The following MYDGF variants were observed in gnomAD, a reference collection of about 807,000 sequenced individuals.
MYDGF encodes the protein myeloid-derived growth factor.
In MYDGF, 29 loss-of-function variants were observed where a neutral mutation model predicts 24.2. The ratio of observed to expected loss-of-function variants is 1.20; its 90% CI spans 0.89 to 1.63. The LOEUF (loss-of-function observed/expected upper bound fraction) is 1.63, where lower values mean the gene tolerates loss of function less well. MYDGF is among the 40% of genes most tolerant of loss of function. MYDGF has a pLI of 0.00. For synonymous variants in MYDGF, 105 were observed against 102.5 expected (o/e 1.02, Z -0.15); for missense variants, 245 against 234.8 (o/e 1.04, Z -0.29).
At chr19:4,670,038 C>A in intron 1 of MYDGF, 123 bp downstream of exon 1, 1 of 1,116,236 alleles carries the variant, frequency 9.0e-7, no homozygotes, top group Non-Finnish European at 1.2e-6. Flanking sequence ...TAACAATCCG[C>A]ACCCCTTCTT....
At chr19:4,669,304 T>C (rs2088544853) in intron 1 of MYDGF, among the ~76,000 whole-genome samples, 1 of 152,156 alleles carries the variant, frequency 6.6e-6, no homozygotes, top group African/African-American at 2.4e-5. Context: ...TGAAATCCCA[T>C]CTGTACTAAA....
At chr19:4,668,777 G>T in intron 1 of MYDGF, 132 bp from the exon 2 acceptor site, 1 of 680,176 alleles carries the variant, frequency 1.5e-6, no homozygotes, top group Non-Finnish European at 2.6e-6. Flanking sequence ...GAACTCCCAG[G>T]TTTGAGTAAT....
chr19:4,663,460 ACCC>A (rs2088490822), intron 3 of MYDGF, among the ~76,000 whole-genome samples: 1 of 51,486 alleles, frequency 1.9e-5, no homozygotes, highest in African/African-American at 7.5e-5. Context: ...CCTCCAATCT[ACCC>A]TCCCCACCCC....
At chr19:4,667,266 C>T (rs2088529251) in intron 2 of MYDGF, among the ~76,000 whole-genome samples, 1 of 151,828 alleles carries the variant, frequency 6.6e-6, no homozygotes, top group African/African-American at 2.4e-5. Flanking sequence ...GTAGCTGGGA[C>T]TACAGGTGCC....
intron 2 of MYDGF, among the ~76,000 whole-genome samples, chr19:4,667,679 G>A (rs889471988): frequency 6.6e-6 from 1 of 151,854 alleles, no homozygotes; most frequent in African/African-American, 2.4e-5. Flanking sequence ...CCAACTAAGA[G>A]CTTGAAGGAG....
At chr19:4,658,419 C>T (rs896632098) in intron 5 of MYDGF, among the ~76,000 whole-genome samples, 2 of 152,170 alleles carry the variant, frequency 1.3e-5, no homozygotes, top group African/African-American at 2.4e-5. Context: ...GAGATGATCC[C>T]GGCCTGAACA....
chr19:4,668,336 A>G (rs1477857930), intron 2 of MYDGF, among the ~76,000 whole-genome samples: 1 of 152,168 alleles, frequency 6.6e-6, no homozygotes, highest in African/African-American at 2.4e-5. Context: ...ACATCCCAAC[A>G]GATGCTCATG....
chr19:4,662,207 T>C (rs962597943), intron 3 of MYDGF, among the ~76,000 whole-genome samples: 3 of 152,222 alleles, frequency 2.0e-5, no homozygotes, highest in Non-Finnish European at 4.4e-5. Flanking sequence ...AATCACACCC[T>C]GTCCTTCAGT....
rs529085247 is a variant in MYDGF, at chr19:4,666,633, A to T, written c.226-1696T>A. On this transcript the variant is annotated intron_variant, in intron 2 of 5. Coordinates refer to ENST00000262947, the MANE Select transcript of MYDGF (RefSeq NM_019107.4). ...TCCCACTTCTGGGTGGTTTTCCCACAGATGTAACTGCACTTGTACAATGAA... is the reference window on the plus strand; with the variant it reads ...TCCCACTTCTGGGTGGTTTTCCCACTGATGTAACTGCACTTGTACAATGAA... 6.2e-4 allele frequency among the ~76,000 whole-genome samples: 94 copies of T among 152,284 alleles called. 2 individuals carry two copies. The highest frequency in any genetic ancestry group is 2.2e-3 in the African/African-American group (90 of 41,566).
In MYDGF at chr19:4,668,623, G is replaced by A. The variant is rs770709755; in HGVS notation, c.197C>T (p.Thr66Ile). 2.5e-6 allele frequency: 4 copies of A among 1,613,140 alleles called. No individual in the cohort carries two copies. The highest frequency in any genetic ancestry group is 3.4e-6 in the Non-Finnish European group (4 of 1,179,378). Residue 66 changes from threonine to isoleucine, a missense_variant, in exon 2 of 6, where the codon ACT becomes ATT. Transcript: ENST00000262947. ...GPGDKYTCMFTYASQGGTNEQ... is the reference protein window; with the variant it reads ...GPGDKYTCMFIYASQGGTNEQ... Reference sequence around the variant, plus strand: ...ATTGGTCCCTCCTTGAGAGGCGTAAGTGAACATACACGTATATTTGTCCTA... The same window carrying A: ...ATTGGTCCCTCCTTGAGAGGCGTAAATGAACATACACGTATATTTGTCCTA...
chr19:4,669,585 G>T (rs899852599), intron 1 of MYDGF, among the ~76,000 whole-genome samples: 8 of 152,154 alleles, frequency 5.3e-5, no homozygotes, highest in African/African-American at 1.7e-4. Flanking sequence ...GCCACTGCAC[G>T]CAAGTCTAAA....
At chr19:4,666,241 T>C (rs903293595) in intron 2 of MYDGF, among the ~76,000 whole-genome samples, 5 of 152,128 alleles carry the variant, frequency 3.3e-5, no homozygotes, top group Non-Finnish European at 5.9e-5. Context: ...TACAAGTGAA[T>C]GTAAATCTAC....
chr19:4,660,107 C>A, intron 4 of MYDGF, 104 bp from the exon 5 acceptor site: 1 of 1,136,314 alleles, frequency 8.8e-7, no homozygotes, highest in Non-Finnish European at 1.3e-6. Context: ...AAGCTTTCTA[C>A]TTTTACTAGA....
intron 3 of MYDGF, among the ~76,000 whole-genome samples, chr19:4,661,189 C>T (rs1351325947): frequency 6.6e-6 from 1 of 152,024 alleles, no homozygotes; most frequent in East Asian, 1.9e-4. Context: ...CTGGCCTGAA[C>T]CCCTGACCTC....
chr19:4,662,144 G>A (rs2088475862), intron 3 of MYDGF, among the ~76,000 whole-genome samples: 1 of 152,166 alleles, frequency 6.6e-6, no homozygotes, highest in South Asian at 2.1e-4. Context: ...AACACCTGCT[G>A]TTTGTAAAGC....
Position 4,657,919 on chromosome 19 carries a change from C to G in MYDGF, c.*86G>C. 2 of 1,254,442 alleles carry G rather than the reference C, an allele frequency of 1.6e-6. No homozygotes were observed. The highest frequency in any genetic ancestry group is 5.1e-5 in the East Asian group (2 of 39,538). 77.7% of individuals were successfully genotyped at this position (1,254,442 alleles called of 1,614,324 possible). A position where few individuals can be genotyped will look rare whatever the true frequency, so the allele number is the denominator to read the frequency against. On this transcript the variant is annotated 3_prime_UTR_variant, in exon 6 of 6. Transcript: ENST00000262947. ...AAACTTAAGAGTCCCTCCTAGAAAA[C>G]CAGTGATGTGCTGGCCCTTTCAGGG...
Position 4,657,894 on chromosome 19 carries a change from AAACTT to A in MYDGF, c.*106_*110del. 5.8e-6 allele frequency: 6 copies of A among 1,036,876 alleles called. No homozygotes were observed. The highest frequency in any genetic ancestry group is 1.6e-5 in the African/African-American group (1 of 61,516). 64.2% of individuals were successfully genotyped at this position (1,036,876 alleles called of 1,614,324 possible). A position where few individuals can be genotyped will look rare whatever the true frequency, so the allele number is the denominator to read the frequency against. Reference sequence around the variant, plus strand: ...ACAAGGCAACGTCAGCCCAGGTAGAAAACTTAAGAGTCCCTCCTAGAAAACCAGTG... The same window carrying A: ...ACAAGGCAACGTCAGCCCAGGTAGAAAAGAGTCCCTCCTAGAAAACCAGTG... On this transcript the variant is annotated 3_prime_UTR_variant, in exon 6 of 6. Coordinates refer to ENST00000262947, the MANE Select transcript of MYDGF (RefSeq NM_019107.4).
intron 3 of MYDGF, among the ~76,000 whole-genome samples, chr19:4,663,208 T>C (rs1215234507): frequency 0.068 from 3,226 of 47,498 alleles, 188 homozygotes; most frequent in African/African-American, 0.29. Context: ...CCACCCGTCC[T>C]GTCCTCATTC....
chr19:4,662,635 G>A (rs926443901), intron 3 of MYDGF, among the ~76,000 whole-genome samples: 5 of 152,074 alleles, frequency 3.3e-5, no homozygotes, highest in African/African-American at 4.8e-5. Flanking sequence ...ATGTGTGTTC[G>A]GGCAGGTGGA....
Sources: gnomAD v4.1 joint callset for allele counts (sites outside exome capture counted in the v4.1 genomes callset) on GRCh38, gnomAD v4.1.1 for gene constraint, MANE v1.5 for transcripts, NCBI Gene and HGNC (gene_info 2026-07-23, HGNC 2026-07-21) for gene names.